RBFOX1: variants seen among roughly 807,000 people sequenced by gnomAD.
RBFOX1 encodes RNA binding fox-1 homolog 1.
In RBFOX1, 8 loss-of-function variants were observed where a neutral mutation model predicts 57.7. The ratio of observed to expected loss-of-function variants is 0.14; its 90% confidence interval spans 0.08 to 0.25. The LOEUF (loss-of-function observed/expected upper bound fraction) is 0.25, where lower values mean the gene tolerates loss of function less well. Ranked by LOEUF, RBFOX1 falls within the 10% of genes least tolerant of loss-of-function variation. The pLI is 1.00. For missense variants in RBFOX1, 611 were observed against 548.5 expected (o/e 1.11, Z -1.14); for synonymous variants, 326 against 222.4 (o/e 1.47, Z -4.15).
intron 1 of RBFOX1, among the ~76,000 whole-genome samples, chr16:5,375,790 A>G (rs1157329781): frequency 2.0e-5 from 3 of 152,200 alleles, no homozygotes; most frequent in Admixed American, 6.5e-5. Flanking sequence ...GCACCATGCT[A>G]AGCGCTTTAA....
At chr16:5,875,439 G>C (rs1053811447) in intron 4 of RBFOX1, among the ~76,000 whole-genome samples, 3 of 152,116 alleles carry the variant, frequency 2.0e-5, no homozygotes, top group African/African-American at 4.8e-5. Flanking sequence ...TCTTTGTCTC[G>C]TTTGTCTGTT....
intron 4 of RBFOX1, among the ~76,000 whole-genome samples, chr16:7,209,538 G>C (rs1603211583): frequency 6.6e-6 from 1 of 152,224 alleles, no homozygotes; most frequent in East Asian, 1.9e-4. Context: ...CCTTCCTTCT[G>C]CTCTCAGTGC....
chr16:5,504,875 C>G (rs2151706926), intron 2 of RBFOX1, among the ~76,000 whole-genome samples: 1 of 152,258 alleles, frequency 6.6e-6, no homozygotes, highest in South Asian at 2.1e-4. Flanking sequence ...GAGGCCATTC[C>G]AGGAAACTTT....
intron 1 of RBFOX1, among the ~76,000 whole-genome samples, chr16:5,418,164 CT>C (rs1285944868): frequency 6.6e-6 from 1 of 152,190 alleles, no homozygotes; most frequent in African/African-American, 2.4e-5. Context: ...GCATTAAAAC[CT>C]TTTCTTATGC....
intron 3 of RBFOX1, among the ~76,000 whole-genome samples, chr16:6,846,590 G>A (rs534083347): frequency 3.9e-5 from 6 of 152,332 alleles, no homozygotes; most frequent in African/African-American, 1.2e-4. Context: ...AGCTACAAAT[G>A]TGGAAACGCA....
intron 4 of RBFOX1, among the ~76,000 whole-genome samples, chr16:7,252,387 G>C (rs972453419): frequency 2.0e-5 from 3 of 152,244 alleles, no homozygotes; most frequent in African/African-American, 7.2e-5. Context: ...TTACACATCT[G>C]GCTGGGGCAG....
intron 1 of RBFOX1, among the ~76,000 whole-genome samples, chr16:6,137,376 C>T (rs2096674231): frequency 6.6e-6 from 1 of 152,138 alleles, no homozygotes; most frequent in South Asian, 2.1e-4. Flanking sequence ...GTGATCCCGG[C>T]TCACTGCAGC....
intron 2 of RBFOX1, among the ~76,000 whole-genome samples, chr16:6,489,267 A>T (rs2095575524): frequency 1.3e-5 from 2 of 152,176 alleles, no homozygotes; most frequent in African/African-American, 4.8e-5. Context: ...CTTTTCCCTC[A>T]GTATTCAAAT....
rs574835360 is a variant in RBFOX1, at chr16:7,535,917, C to A, written c.270+17528C>A. Among the ~76,000 whole-genome samples the A allele has an allele frequency of 1.6e-4, 25 of 152,262 alleles. No homozygotes were observed. The South Asian group carries it at 5.2e-3, about 32-fold the overall frequency. On this transcript the variant is annotated intron_variant, in intron 5 of 15. Transcript: ENST00000550418. Reference sequence around the variant, plus strand: ...ATTGTTCATTTATTCCTGAATATTTCTTGGGTTCTTACTATTTGAGAGGCG... The same window carrying A: ...ATTGTTCATTTATTCCTGAATATTTATTGGGTTCTTACTATTTGAGAGGCG...
chr16:7,034,827 C>CTTTTTTTTTTTCTTTTTTATTTTTTTT, intron 3 of RBFOX1, among the ~76,000 whole-genome samples: 1 of 54,112 alleles, frequency 1.8e-5, no homozygotes, highest in South Asian at 1.0e-3. Flanking sequence ...TATTGCATTA[C>CTTTTTTTTTTTCTTTTTTATTTTTTTT]TTTTTTTTTT....
At chr16:7,433,200 CTT>C (rs1202670823) in intron 4 of RBFOX1, among the ~76,000 whole-genome samples, 2 of 152,182 alleles carry the variant, frequency 1.3e-5, no homozygotes, top group Admixed American at 1.3e-4. Context: ...TATAAAATCT[CTT>C]GTCTTTAATA....
At chr16:6,378,422 C>T (rs907790287) in intron 2 of RBFOX1, among the ~76,000 whole-genome samples, 1 of 152,192 alleles carries the variant, frequency 6.6e-6, no homozygotes, top group Non-Finnish European at 1.5e-5. Flanking sequence ...ATGCTGGAAG[C>T]AGCACCGATG....
chr16:6,388,288 G>A (rs2092410096), intron 2 of RBFOX1, among the ~76,000 whole-genome samples: 1 of 151,936 alleles, frequency 6.6e-6, no homozygotes, highest in African/African-American at 2.4e-5. Flanking sequence ...TTTTTAAAAT[G>A]TGTTTGAACT....
At chr16:7,159,561 A>G (rs532847548) in intron 4 of RBFOX1, among the ~76,000 whole-genome samples, 2 of 152,174 alleles carry the variant, frequency 1.3e-5, no homozygotes, top group African/African-American at 2.4e-5. Context: ...GGATTTGAAC[A>G]TGAGTCCCCA....
intron 4 of RBFOX1, among the ~76,000 whole-genome samples, chr16:5,911,645 C>G (rs1308126485): frequency 6.6e-6 from 1 of 152,116 alleles, no homozygotes; most frequent in Non-Finnish European, 1.5e-5. Context: ...ATACCATGAA[C>G]AGGGCCACTT....
At chr16:6,774,583 A>C (rs1239174322) in intron 3 of RBFOX1, among the ~76,000 whole-genome samples, 1 of 152,232 alleles carries the variant, frequency 6.6e-6, no homozygotes, top group Non-Finnish European at 1.5e-5. Flanking sequence ...TGATTGTTAC[A>C]AACAATCTAC....
At chr16:7,659,913 C>T (rs566306753) in intron 12 of RBFOX1, among the ~76,000 whole-genome samples, 8 of 152,186 alleles carry the variant, frequency 5.3e-5, no homozygotes, top group South Asian at 2.1e-4. Flanking sequence ...TAGGAAAATA[C>T]GTACAAACAG....
intron 3 of RBFOX1, among the ~76,000 whole-genome samples, chr16:6,732,393 G>T (rs2345486): frequency 2.0e-5 from 3 of 152,094 alleles, no homozygotes; most frequent in Non-Finnish European, 4.4e-5. Context: ...GCTTCCCCAA[G>T]GCAGGTGACC....
chr16:5,331,245 T>G (rs2064747590), intron 1 of RBFOX1, among the ~76,000 whole-genome samples: 1 of 152,214 alleles, frequency 6.6e-6, no homozygotes, highest in South Asian at 2.1e-4. Flanking sequence ...TTTGCTAAAT[T>G]CGTTCATCAC....
Sources: allele counts gnomAD v4.1 joint callset (sites outside exome capture counted in the v4.1 genomes callset), GRCh38; gene constraint gnomAD v4.1.1; transcripts MANE v1.5; gene names NCBI Gene and HGNC (gene_info 2026-07-23, HGNC 2026-07-21).